Variants in BNC2 observed in about 807,000 individuals in gnomAD.
The protein encoded by BNC2 is zinc finger protein basonuclin-2.
BNC2 carries 20 observed loss-of-function variants against 76.3 expected under a neutral mutation model. The ratio of observed to expected loss-of-function variants is 0.26; its 90% confidence interval spans 0.18 to 0.38. The LOEUF (loss-of-function observed/expected upper bound fraction) is 0.38. Ranked by LOEUF, BNC2 falls within the 10% of genes least tolerant of loss-of-function variation. BNC2 has a pLI of 1.00. For missense variants in BNC2, 1,382 were observed against 1,399.8 expected (o/e 0.99, Z 0.20); for synonymous variants, 582 against 514.8 (o/e 1.13, Z -1.77).
At chr9:16,518,204 G>C (rs1297653776) in intron 5 of BNC2, among the ~76,000 whole-genome samples, 1 of 152,194 alleles carries the variant, frequency 6.6e-6, no homozygotes, top group Non-Finnish European at 1.5e-5. Context: ...CAAGGCGGGA[G>C]GATCACTTAG....
chr9:16,506,857 T>C (rs1412783240), intron 5 of BNC2, among the ~76,000 whole-genome samples: 2 of 152,070 alleles, frequency 1.3e-5, no homozygotes, highest in African/African-American at 4.8e-5. Flanking sequence ...GTTCAAGTGA[T>C]GCTCCTGCCT....
chr9:16,515,055 G>A (rs10962470), intron 5 of BNC2, among the ~76,000 whole-genome samples: 6,475 of 152,270 alleles, frequency 0.043, 308 homozygotes, highest in East Asian at 0.24. Context: ...TTAATGCACA[G>A]CTATCAGTAC....
At chr9:16,798,528 G>A (rs998151122) in intron 1 of BNC2, among the ~76,000 whole-genome samples, 1 of 152,164 alleles carries the variant, frequency 6.6e-6, no homozygotes, top group African/African-American at 2.4e-5. Context: ...TGACAAAGCA[G>A]TCTCTTGACT....
In BNC2 at chr9:16,751,381, T is replaced by C. The variant is rs1212767901; in HGVS notation, c.4-12896A>G. Among the ~76,000 whole-genome samples the C allele has an allele frequency of 1.3e-5, 2 of 151,980 alleles. 1 individual carries two copies. Among genetic ancestry groups the C allele is most frequent in the African/African-American group, 4.8e-5 (2 of 41,508 alleles). On this transcript the variant is annotated intron_variant, in intron 1 of 6. Transcript: ENST00000380672. ...TTCAGCACACAAATGTTACATGCTTTCAAGGAAAACACAGTATCACATCTA... is the reference window on the plus strand; with the variant it reads ...TTCAGCACACAAATGTTACATGCTTCCAAGGAAAACACAGTATCACATCTA...
intron 1 of BNC2, among the ~76,000 whole-genome samples, chr9:16,853,962 G>A (rs1030083064): frequency 2.2e-4 from 33 of 152,132 alleles, no homozygotes; most frequent in Admixed American, 1.1e-3. Flanking sequence ...ATGACTGCTC[G>A]GAAACTTACA....
intron 4 of BNC2, among the ~76,000 whole-genome samples, chr9:16,553,135 C>T (rs1256802144): frequency 6.6e-6 from 1 of 152,104 alleles, no homozygotes; most frequent in Admixed American, 6.5e-5. Context: ...GATGGTGTCC[C>T]CTACCCCCCA....
Position 16,746,915 on chromosome 9 carries a change from T to C in BNC2, c.4-8430A>G, listed in dbSNP as rs972915259. ...AGGCAGAGCTTGCAGTGAGCAGAGA[T>C]TGCACCACTGCACTCCAGCCTGGGT... is the stretch of plus-strand genomic sequence containing the variant. On this transcript the variant is annotated intron_variant, in intron 1 of 6. Coordinates refer to ENST00000380672, the MANE Select transcript of BNC2 (RefSeq NM_017637.6). 7.3e-5 allele frequency among the ~76,000 whole-genome samples: 11 copies of C among 151,058 alleles called. 2 individuals are homozygous for C. The South Asian group carries it at 8.4e-4, about 12-fold the overall frequency.
Position 16,419,495 on chromosome 9 carries a change from T to C in BNC2, c.2794A>G (p.Arg932Gly), listed in dbSNP as rs1327351086. ...CCTGCGGGAGAGGAGGCGTCTTCCC[T>C]GACATCGAGCCCCATGGGGTGCTGG... ...GAQHPMGLDV[R>G]EDASSPAGTE... Residue 932 changes from arginine (R) to glycine (G), a missense_variant, in exon 7 of 7, where the codon AGG becomes GGG. Around this residue, in one of 3 missense-constraint regions of BNC2, gnomAD observed 798 missense variants for 775.5 expected, o/e 1.03. Coordinates refer to ENST00000380672, the MANE Select transcript of BNC2 (RefSeq NM_017637.6). The C allele has an allele frequency of 6.2e-7, 1 of 1,614,126 alleles. No homozygotes were observed. Among genetic ancestry groups the C allele is most frequent in the South Asian group, 1.1e-5 (1 of 91,078 alleles).
chr9:16,479,249 C>CAAA (rs772198451), intron 5 of BNC2, among the ~76,000 whole-genome samples: 11 of 65,134 alleles, frequency 1.7e-4, no homozygotes, highest in African/African-American at 7.4e-4. Flanking sequence ...GACTCTGTCT[C>CAAA]AAAAAAAAAA....
intron 1 of BNC2, among the ~76,000 whole-genome samples, chr9:16,754,111 C>G (rs1825305915): frequency 6.6e-6 from 1 of 152,220 alleles, no homozygotes; most frequent in East Asian, 1.9e-4. Flanking sequence ...ACTCTCAGAA[C>G]TGTCTAAGAT....
chr9:16,704,546 A>T (rs995775493), intron 3 of BNC2, among the ~76,000 whole-genome samples: 1 of 146,062 alleles, frequency 6.8e-6, no homozygotes, highest in African/African-American at 2.5e-5. Context: ...GGTTGGATTT[A>T]GCCCTTCTAA....
chr9:16,845,230 C>T (rs1003402145), intron 1 of BNC2, among the ~76,000 whole-genome samples: 1 of 152,160 alleles, frequency 6.6e-6, no homozygotes, highest in Non-Finnish European at 1.5e-5. Context: ...AACATACCTG[C>T]ATTAATTTGA....
intron 3 of BNC2, among the ~76,000 whole-genome samples, chr9:16,585,908 G>A (rs757049906): frequency 1.3e-5 from 2 of 151,956 alleles, no homozygotes; most frequent in Non-Finnish European, 2.9e-5. Context: ...TATATTCTGT[G>A]AACTACACAC....
intron 4 of BNC2, chr9:16,575,521 CA>C: frequency 2.5e-6 from 2 of 807,000 alleles, no homozygotes; most frequent in Non-Finnish European, 3.0e-6. Flanking sequence ...AAGCACCATC[CA>C]AAAAGTGTGC....
intron 1 of BNC2, among the ~76,000 whole-genome samples, chr9:16,780,514 G>T (rs144491502): frequency 6.6e-6 from 1 of 151,728 alleles, no homozygotes; most frequent in Non-Finnish European, 1.5e-5. Context: ...GGAGGCTGCA[G>T]TGAGCCGAGA....
chr9:16,710,058 C>T (rs1034875156), intron 3 of BNC2, among the ~76,000 whole-genome samples: 7 of 151,888 alleles, frequency 4.6e-5, no homozygotes, highest in African/African-American at 1.7e-4. Flanking sequence ...TCAAGACATT[C>T]ATATGTAAAT....
chr9:16,582,856 C>G, intron 4 of BNC2, 127 bp downstream of exon 4: 53 of 752,368 alleles, frequency 7.0e-5, no homozygotes, highest in Non-Finnish European at 1.0e-4. Flanking sequence ...GCACAGCTGA[C>G]CTCTCTCTTC....
chr9:16,858,868 A>G (rs929556487), intron 1 of BNC2, among the ~76,000 whole-genome samples: 2 of 152,058 alleles, frequency 1.3e-5, no homozygotes, highest in Admixed American at 6.6e-5. Context: ...AAAAAAGAAA[A>G]AAGAAACTTC....
At chr9:16,486,944 T>G (rs2131587727) in intron 5 of BNC2, among the ~76,000 whole-genome samples, 1 of 152,296 alleles carries the variant, frequency 6.6e-6, no homozygotes, top group African/African-American at 2.4e-5. Flanking sequence ...TCTCGGATCA[T>G]GCAGTCCTCC....
Sources: gnomAD v4.1 joint callset for allele counts (sites outside exome capture counted in the v4.1 genomes callset) on GRCh38, gnomAD v4.1.1 for gene constraint, gnomAD v4.1.1 regional missense constraint, MANE v1.5 for transcripts, NCBI Gene and HGNC (gene_info 2026-07-23, HGNC 2026-07-21) for gene names.